LYZL4: variants seen among roughly 807,000 people sequenced by gnomAD.
LYZL4 encodes the protein lysozyme-like protein 4.
LYZL4 carries 13 observed loss-of-function variants against 17.6 expected under a neutral mutation model. The ratio of observed to expected loss-of-function variants is 0.74; its 90% CI spans 0.48 to 1.18. The LOEUF (loss-of-function observed/expected upper bound fraction) is 1.18, where lower values mean the gene tolerates loss of function less well. Among genes scored for constraint, LYZL4 ranks in the 50% most tolerant of loss-of-function variants. LYZL4 has a pLI of 0.00. For synonymous variants in LYZL4, 64 were observed against 67.7 expected (o/e 0.95, Z 0.27); for missense variants, 174 against 188.2 (o/e 0.92, Z 0.44).
At chr3:42,401,825 T>C (rs1218651823) in intron 4 of LYZL4, among the ~76,000 whole-genome samples, 2 of 152,102 alleles carry the variant, frequency 1.3e-5, no homozygotes, top group Admixed American at 1.3e-4. Context: ...AAACATCAGA[T>C]GTAATGACAC....
intron 3 of LYZL4, among the ~76,000 whole-genome samples, chr3:42,404,631 C>T (rs1698717009): frequency 6.6e-6 from 1 of 151,900 alleles, no homozygotes; most frequent in Non-Finnish European, 1.5e-5. Context: ...TATGTGTCTC[C>T]CATTGGATTC....
chr3:42,390,363 A>T, the LYZL4 span, among the ~76,000 whole-genome samples: 3 of 152,190 alleles, frequency 2.0e-5, no homozygotes, highest in Non-Finnish European at 4.4e-5. Context: ...CGAAGTGGCT[A>T]TGGTGACAAG....
At chr3:42,394,083 G>A (rs1451493886), downstream of LYZL4, among the ~76,000 whole-genome samples, 3 of 152,284 alleles carry the variant, frequency 2.0e-5, no homozygotes, top group East Asian at 1.9e-4. Context: ...ATGAGCCACC[G>A]TGCCCGGCCT....
At chr3:42,405,564 C>T (rs1698733938) in intron 3 of LYZL4, among the ~76,000 whole-genome samples, 1 of 152,226 alleles carries the variant, frequency 6.6e-6, no homozygotes, top group Non-Finnish European at 1.5e-5. Flanking sequence ...CCTCTCCACT[C>T]TGTCTCCTAA....
the LYZL4 span, among the ~76,000 whole-genome samples, chr3:42,383,145 AG>A: frequency 6.6e-6 from 1 of 152,198 alleles, no homozygotes; most frequent in African/African-American, 2.4e-5. Flanking sequence ...GGCACAGTTT[AG>A]GGCAGGAGTA....
the LYZL4 span, among the ~76,000 whole-genome samples, chr3:42,376,678 C>G: frequency 6.6e-6 from 1 of 152,190 alleles, no homozygotes; most frequent in Non-Finnish European, 1.5e-5. Context: ...TCTATATGAG[C>G]AGCACCTGGC....
the LYZL4 span, among the ~76,000 whole-genome samples, chr3:42,369,960 C>A: frequency 6.6e-6 from 1 of 152,122 alleles, no homozygotes; most frequent in Non-Finnish European, 1.5e-5. Flanking sequence ...GGTGGGAGGA[C>A]TGCTTGAGCT....
At chr3:42,368,483 T>C in the LYZL4 span, among the ~76,000 whole-genome samples, 5 of 152,216 alleles carry the variant, frequency 3.3e-5, no homozygotes, top group Non-Finnish European at 5.9e-5. Flanking sequence ...AATGAACTCA[T>C]GACATATATG....
intron 4 of LYZL4, among the ~76,000 whole-genome samples, chr3:42,399,023 T>C (rs1698607318): frequency 6.6e-6 from 1 of 152,092 alleles, no homozygotes; most frequent in Admixed American, 6.5e-5. Context: ...ATCAACCCAA[T>C]AGAAAAATGG....
chr3:42,373,334 C>T, the LYZL4 span, among the ~76,000 whole-genome samples: 2 of 152,072 alleles, frequency 1.3e-5, no homozygotes, highest in African/African-American at 4.8e-5. Context: ...TCATCAGCTG[C>T]CTTGGAAGCC....
the LYZL4 span, among the ~76,000 whole-genome samples, chr3:42,368,479 C>T: frequency 6.6e-6 from 1 of 152,140 alleles, no homozygotes; most frequent in Admixed American, 6.5e-5. Context: ...ACAAAATGAA[C>T]TCATGACATA....
the LYZL4 span, among the ~76,000 whole-genome samples, chr3:42,367,339 T>C: frequency 5.9e-5 from 9 of 152,058 alleles, no homozygotes; most frequent in African/African-American, 2.2e-4. Flanking sequence ...AAGAAGCAAA[T>C]GTTCAAGTCA....
At chr3:42,406,804 T>C (rs33518) in intron 3 of LYZL4, 42 bp downstream of exon 3, 945,360 of 1,607,978 alleles carry the variant, frequency 0.59, 283,112 homozygotes, top group African/African-American at 0.86. Flanking sequence ...CACAGCACCA[T>C]AGCCTCCAGT....
chr3:42,376,308 G>T, the LYZL4 span, among the ~76,000 whole-genome samples: 28 of 152,272 alleles, frequency 1.8e-4, no homozygotes, highest in Non-Finnish European at 3.8e-4. Flanking sequence ...GCTGAACATT[G>T]TTGGTGCCCC....
At chr3:42,386,182 A>C in the LYZL4 span, among the ~76,000 whole-genome samples, 1 of 151,672 alleles carries the variant, frequency 6.6e-6, no homozygotes, top group Non-Finnish European at 1.5e-5. Flanking sequence ...GGCTCACTGC[A>C]ACTTCCACCT....
intron 1 of LYZL4, among the ~76,000 whole-genome samples, chr3:42,410,078 C>G (rs1031819908): frequency 2.0e-5 from 3 of 152,134 alleles, no homozygotes; most frequent in Admixed American, 2.0e-4. Context: ...TCAAAGAAGA[C>G]GGTCTTTATT....
At chr3:42,387,526 T>A in the LYZL4 span, among the ~76,000 whole-genome samples, 1 of 152,108 alleles carries the variant, frequency 6.6e-6, no homozygotes, top group Admixed American at 6.5e-5. Flanking sequence ...AGCATCCTTA[T>A]CTCCACACCT....
At chr3:42,378,409 T>C in the LYZL4 span, among the ~76,000 whole-genome samples, 1 of 152,222 alleles carries the variant, frequency 6.6e-6, no homozygotes, top group Non-Finnish European at 1.5e-5. Context: ...TGCTTTCAAG[T>C]GGCCATCCCA....
the LYZL4 span, among the ~76,000 whole-genome samples, chr3:42,373,916 A>T: frequency 6.6e-6 from 1 of 152,204 alleles, no homozygotes; most frequent in Non-Finnish European, 1.5e-5. Context: ...ATGTATATAT[A>T]TATGGGTTAG....
Sources: gnomAD v4.1 joint callset for allele counts (sites outside exome capture counted in the v4.1 genomes callset) on GRCh38, gnomAD v4.1.1 for gene constraint, MANE v1.5 for transcripts, NCBI Gene and HGNC (gene_info 2026-07-23, HGNC 2026-07-21) for gene names.